PNKD: variants seen among roughly 807,000 people sequenced by gnomAD.
The protein encoded by PNKD is probable thioesterase PNKD.
In PNKD, 36 loss-of-function variants were observed where a neutral mutation model predicts 45.3. The observed-to-expected ratio is 0.80, with a 90% confidence interval of 0.61 to 1.05. The LOEUF is 1.05. Ranked by LOEUF, PNKD falls within the 50% of genes least tolerant of loss-of-function variation. The pLI is 0.00. For missense variants in PNKD, 511 were observed against 506.6 expected (o/e 1.01, Z -0.08); for synonymous variants, 197 against 210.1 (o/e 0.94, Z 0.54).
At chr2:218,291,746 C>G (rs1157834387) in intron 2 of PNKD, among the ~76,000 whole-genome samples, 2 of 152,168 alleles carry the variant, frequency 1.3e-5, no homozygotes, top group Non-Finnish European at 1.5e-5. Flanking sequence ...TCCCGTTTCT[C>G]TGTTTTGTTT....
At chr2:218,275,327 A>T (rs1222988067) in intron 2 of PNKD, 1 of 1,073,246 alleles carries the variant, frequency 9.3e-7, no homozygotes, top group Admixed American at 2.9e-5. Context: ...ATAGCCAGAG[A>T]GGCCACCTGT....
chr2:218,297,704 AAAAG>A (rs1249829345), intron 2 of PNKD, among the ~76,000 whole-genome samples: 13 of 147,350 alleles, frequency 8.8e-5, no homozygotes, highest in African/African-American at 2.8e-4. Context: ...AAAAAAAAAA[AAAAG>A]AGAGAAGAAA....
chr2:218,274,484 TG>T (rs1010523859), intron 2 of PNKD: 1 of 154,058 alleles, frequency 6.5e-6, no homozygotes, highest in Non-Finnish European at 1.5e-5. Flanking sequence ...GGACCCTCCC[TG>T]GGTTAGCAGA....
intron 2 of PNKD, among the ~76,000 whole-genome samples, chr2:218,285,075 G>C (rs2106224478): frequency 6.6e-6 from 1 of 152,340 alleles, no homozygotes; most frequent in Admixed American, 6.5e-5. Flanking sequence ...GGGTGACAGA[G>C]TGAGACTTTG....
At chr2:218,315,012 T>TTTTCTTTTTCTTTCTTTCTTTC (rs1553667686) in intron 2 of PNKD, among the ~76,000 whole-genome samples, 2 of 4,052 alleles carry the variant, frequency 4.9e-4, no homozygotes, top group Middle Eastern at 0.17. Flanking sequence ...CTTTCTTTCT[T>TTTTCTTTTTCTTTCTTTCTTTC]TTTCTTTCTT....
intron 2 of PNKD, among the ~76,000 whole-genome samples, chr2:218,291,780 G>C (rs1376111919): frequency 6.6e-6 from 1 of 151,982 alleles, no homozygotes; most frequent in Non-Finnish European, 1.5e-5. Context: ...AAGAAGTCAC[G>C]AGGAGGATGT....
chr2:218,328,622 T>C (rs1021640533), intron 2 of PNKD, among the ~76,000 whole-genome samples: 3 of 152,190 alleles, frequency 2.0e-5, no homozygotes, highest in Non-Finnish European at 4.4e-5. Context: ...TTCACACACA[T>C]AGGTAAGATG....
chr2:218,320,622 C>G (rs144719083), intron 2 of PNKD, among the ~76,000 whole-genome samples: 1 of 152,220 alleles, frequency 6.6e-6, no homozygotes, highest in East Asian at 1.9e-4. Context: ...AGGGGACATG[C>G]TTAAGCCCAT....
chr2:218,281,313 T>C (rs1404373922), intron 2 of PNKD, among the ~76,000 whole-genome samples: 1 of 151,846 alleles, frequency 6.6e-6, no homozygotes, highest in Non-Finnish European at 1.5e-5. Context: ...GTTTTTGTAT[T>C]TTTAGTGGAG....
At chr2:218,317,569 T>G (rs1227533209) in intron 2 of PNKD, among the ~76,000 whole-genome samples, 1 of 152,172 alleles carries the variant, frequency 6.6e-6, no homozygotes, top group African/African-American at 2.4e-5. Flanking sequence ...CTTTCCAACC[T>G]GGAGACAATG....
intron 2 of PNKD, among the ~76,000 whole-genome samples, chr2:218,276,526 G>A (rs776149080): frequency 1.1e-4 from 16 of 152,146 alleles, no homozygotes; most frequent in Non-Finnish European, 2.1e-4. Flanking sequence ...ACAGGTGGCC[G>A]TCCACAGAAG....
chr2:218,278,545 T>C, intron 2 of PNKD: 1 of 1,614,006 alleles, frequency 6.2e-7, no homozygotes, highest in Non-Finnish European at 8.5e-7. Flanking sequence ...AAGGATCAGG[T>C]AGGTGACAAC....
chr2:218,295,506 A>T (rs923855324), intron 2 of PNKD, among the ~76,000 whole-genome samples: 2 of 152,124 alleles, frequency 1.3e-5, no homozygotes, highest in African/African-American at 4.8e-5. Flanking sequence ...GTGACACCTG[A>T]GTAGAGTGTT....
intron 2 of PNKD, chr2:218,275,508 G>A (rs755109208): frequency 1.3e-5 from 21 of 1,614,028 alleles, no homozygotes; most frequent in Non-Finnish European, 1.6e-5. Flanking sequence ...GCAGCACAAA[G>A]GTGAAGATGT....
At chr2:218,277,279 TC>T in intron 2 of PNKD, 1 of 1,291,598 alleles carries the variant, frequency 7.7e-7, no homozygotes, top group Non-Finnish European at 1.1e-6. Context: ...GGATCAGGTC[TC>T]TAGGGAACAT....
chr2:218,296,629 TC>T (rs1693146178), intron 2 of PNKD, among the ~76,000 whole-genome samples: 1 of 152,192 alleles, frequency 6.6e-6, no homozygotes, highest in African/African-American at 2.4e-5. Flanking sequence ...CATGCATTGA[TC>T]ACTAACTTTC....
chr2:218,328,997 C>T (rs1185584995), intron 2 of PNKD, among the ~76,000 whole-genome samples: 5 of 152,084 alleles, frequency 3.3e-5, no homozygotes, highest in Admixed American at 6.6e-5. Flanking sequence ...TTCTTGAGGC[C>T]GAGAGTTTGA....
In PNKD at chr2:218,295,844, C is replaced by T. The variant is rs1174572253; in HGVS notation, c.236+24295C>T. Among the ~76,000 whole-genome samples the T allele has an allele frequency of 3.1e-5, 4 of 128,998 alleles. No homozygotes were observed. The South Asian group carries it at 1.0e-3, about 34-fold the overall frequency. The allele number at this position is 128,998 out of a possible 152,430, so 84.6% of individuals were successfully genotyped here. On this transcript the variant is annotated intron_variant, in intron 2 of 9. Transcript: ENST00000273077. ...TTTGAGCTTCAGATAAACAACAAACCTTTTTTTTTTTTTTTTTCAAGACAA... is the reference window on the plus strand; with the variant it reads ...TTTGAGCTTCAGATAAACAACAAACTTTTTTTTTTTTTTTTTTCAAGACAA...
chr2:218,281,861 A>C (rs1692036831), intron 2 of PNKD: 2 of 1,087,910 alleles, frequency 1.8e-6, no homozygotes, highest in South Asian at 2.8e-5. Flanking sequence ...AGAAGAGAAA[A>C]GGGGCAGGAG....
Sources: gnomAD v4.1 joint callset for allele counts (sites outside exome capture counted in the v4.1 genomes callset) on GRCh38, gnomAD v4.1.1 for gene constraint, MANE v1.5 for transcripts, NCBI Gene and HGNC (gene_info 2026-07-23, HGNC 2026-07-21) for gene names.